EXOC7: variants seen among roughly 807,000 people sequenced by gnomAD.
EXOC7 encodes exocyst complex component 7.
A neutral mutation model predicts 87.6 loss-of-function variants in EXOC7; 51 were observed. The observed-to-expected ratio is 0.58, with a 90% confidence interval of 0.46 to 0.73. The LOEUF is 0.73. EXOC7 is among the 30% of genes least tolerant of loss of function. EXOC7 has a pLI of 0.00. For missense variants in EXOC7, 744 were observed against 888.4 expected (o/e 0.84, Z 2.07); for synonymous variants, 327 against 357.1 (o/e 0.92, Z 0.95).
Position 76,081,719 on chromosome 17 carries a change from G to A in EXOC7, c.*1929C>T, listed in dbSNP as rs2066986499. The stretch of plus-strand genomic sequence containing the variant: ...CGTCCTCCACTCCTCCCTGGTGCAG[G>A]CCCTGCCCAGCTCCTCCTCCTGCAA... On this transcript the variant is annotated 3_prime_UTR_variant, in exon 19 of 19. Transcript: ENST00000589210. The A allele has an allele frequency of 3.7e-6, 6 of 1,614,022 alleles. No individual in the cohort carries two copies. The highest frequency in any genetic ancestry group is 1.3e-5 in the African/African-American group (1 of 75,008).
At position 76,083,337 on chromosome 17, in the gene EXOC7, G is replaced by A. The variant is rs2067062799; in HGVS notation, c.*311C>T. 1 of 356,292 alleles carries A rather than the reference G, an allele frequency of 2.8e-6. No homozygotes were observed. The highest frequency in any genetic ancestry group is 2.8e-5 in the South Asian group (1 of 36,078). 22.1% of individuals were successfully genotyped at this position (356,292 alleles called of 1,614,324 possible). On this transcript the variant is annotated 3_prime_UTR_variant, in exon 19 of 19. Transcript: ENST00000589210. Reference sequence around the variant, plus strand: ...TGCCCTGCTGCTCTTGGTACACATGGAGCAGCAGTGGGCACAGGCCTCTGT... The same window carrying A: ...TGCCCTGCTGCTCTTGGTACACATGAAGCAGCAGTGGGCACAGGCCTCTGT...
chr17:76,103,410 G>T lies in EXOC7; in HGVS notation c.77C>A (p.Ser26Tyr). The T allele has an allele frequency of 3.1e-6, 5 of 1,606,950 alleles. No homozygotes were observed. Among genetic ancestry groups the T allele is most frequent in the Non-Finnish European group, 4.2e-6 (5 of 1,176,754 alleles). ...CTTCTCCAGGCTGTCTCGGATGAAG[G>T]ACAGAGTCTCCTCCTCCTGGGGGCA... ...DKLKQEEETL[S>Y]FIRDSLEKSD... Residue 26 changes from serine to tyrosine, a missense_variant, in exon 2 of 19, where the codon TCC becomes TAC. By Grantham distance (144) the Ser-to-Tyr change is moderately radical (BLOSUM62 -2). Coordinates refer to ENST00000589210, the MANE Select transcript of EXOC7 (RefSeq NM_001013839.4).
rs771623955 is a variant in EXOC7 at position 76,082,563 on chromosome 17, C to T, written c.*1085G>A. 1.4e-5 allele frequency: 23 copies of T among 1,613,666 alleles called. No individual in the cohort carries two copies. The Middle Eastern group carries it at 6.6e-4, about 46-fold the overall frequency. On this transcript the variant is annotated 3_prime_UTR_variant, in exon 19 of 19. Transcript: ENST00000589210. ...TGGTTGGGGTGCTGTGCACCCAATT[C>T]GTCTTTGCAGGAATCTGGATGTGGG...
chr17:76,084,238 C>G lies in EXOC7; in HGVS notation c.1818+10G>C. The stretch of plus-strand genomic sequence containing the variant: ...CAGCAAGCAGTGGAGGGGAGAGGAC[C>G]CCGACTCACCTTAAAACGCTCCTTG... On this transcript the variant is annotated intron_variant, in intron 17 of 18. Coordinates refer to ENST00000589210, the MANE Select transcript of EXOC7 (RefSeq NM_001013839.4). The G allele has an allele frequency of 6.2e-7, 1 of 1,611,384 alleles. No homozygotes were observed. The highest frequency in any genetic ancestry group is 1.7e-4 in the Middle Eastern group (1 of 6,058).
chr17:76,086,781 A>AGTCAGTCCCCAGGG, intron 12 of EXOC7: 1 of 1,359,150 alleles, frequency 7.4e-7, no homozygotes, highest in Non-Finnish European at 1.0e-6. Flanking sequence ...AGGTACTGAG[A>AGTCAGTCCCCAGGG]GTCAGTCCCC....
chr17:76,088,987 G>A lies in EXOC7; in HGVS notation c.1048-64C>T, dbSNP rs546271275. On this transcript the variant is annotated intron_variant, in intron 8 of 18. Transcript: ENST00000589210. ...GGTGGGAGCTAGTTCTGGGCTAGTGGGGGATCCTTGCAGTATGTAGGGGGG... is the reference window on the plus strand; with the variant it reads ...GGTGGGAGCTAGTTCTGGGCTAGTGAGGGATCCTTGCAGTATGTAGGGGGG... 2.0e-4 allele frequency: 314 copies of A among 1,558,060 alleles called. 2 individuals carry two copies. The African/African-American group carries it at 3.4e-3, about 17-fold the overall frequency.
chr17:76,100,614 C>T (rs2144701392), intron 4 of EXOC7, among the ~76,000 whole-genome samples: 1 of 146,774 alleles, frequency 6.8e-6, no homozygotes, highest in Non-Finnish European at 1.5e-5. Context: ...GCTTGGGAAA[C>T]AAGAGCAAAA....
At chr17:76,087,801 A>G in intron 11 of EXOC7, 81 bp from the exon 12 acceptor site, 3 of 1,436,012 alleles carry the variant, frequency 2.1e-6, no homozygotes, top group Non-Finnish European at 2.9e-6. Context: ...CTGAGTGCCC[A>G]GGGCCAGCCC....
Position 76,097,946 on chromosome 17 carries a change from C to T in EXOC7, c.490G>A (p.Val164Ile), listed in dbSNP as rs1598340669. 6.2e-7 allele frequency: 1 copy of T among 1,614,060 alleles called. No individual in the cohort carries two copies. Among genetic ancestry groups the T allele is most frequent in the East Asian group, 2.2e-5 (1 of 44,858 alleles). The change falls in exon 5 of 19, where the codon GTC becomes ATC. Residue 164 changes from valine to isoleucine, a missense_variant. This residue lies in a region of EXOC7 where 512 missense variants were observed against 573.0 expected (regional missense o/e 0.89). Transcript: ENST00000589210. The part of the protein sequence containing the change: ...FRSLMTRHSK[V>I]VSPVLILDLI... ...TCCAAGATGAGCACGGGCGAGACGA[C>T]CTTACTGTGCCGCGTCATCAGGCTG...
In EXOC7 at chr17:76,103,319, G is replaced by A. The variant is rs1412778912; in HGVS notation, c.126+42C>T. On this transcript the variant is annotated intron_variant, in intron 2 of 18. Coordinates refer to ENST00000589210, the MANE Select transcript of EXOC7 (RefSeq NM_001013839.4). ...CCAGGTCGCAAGGCTCTCCCCCAGG[G>A]TCCGGAGGCCTGCCCTCTCCCCCAG... The A allele has an allele frequency of 2.6e-6, 4 of 1,544,942 alleles. No homozygotes were observed. In the South Asian group the frequency reaches 3.5e-5, roughly 14 times the overall value.
intron 12 of EXOC7, 181 bp downstream of exon 12, chr17:76,087,473 G>C: frequency 3.2e-6 from 2 of 618,852 alleles, no homozygotes; most frequent in South Asian, 4.0e-5. Context: ...CCAGTGTCTG[G>C]TCTTGAAAGG....
Position 76,082,252 on chromosome 17 carries a change from G to T in EXOC7, c.*1396C>A. The T allele has an allele frequency of 1.3e-6, 1 of 775,820 alleles. No homozygotes were observed. Among genetic ancestry groups the T allele is most frequent in the Admixed American group, 3.0e-5 (1 of 33,094 alleles). 48.1% of individuals were successfully genotyped at this position (775,820 alleles called of 1,614,324 possible). A position where few individuals can be genotyped will look rare whatever the true frequency, so the allele number is the denominator to read the frequency against. On this transcript the variant is annotated 3_prime_UTR_variant, in exon 19 of 19. Coordinates refer to ENST00000589210, the MANE Select transcript of EXOC7 (RefSeq NM_001013839.4). The stretch of plus-strand genomic sequence containing the variant: ...GCTGAGCCTCCCTGAAGTCCCAGGT[G>T]ACCTCAATCCCCTGATAACCCATGC...
At position 76,090,437 on chromosome 17, in the gene EXOC7, T is replaced by A. The variant is rs569131422; in HGVS notation, c.901+706A>T. The A allele has an allele frequency of 7.7e-6, 12 of 1,551,498 alleles. No individual in the cohort carries two copies. In the South Asian group the frequency reaches 1.4e-4, roughly 18 times the overall value. On this transcript the variant is annotated intron_variant, in intron 7 of 18. Transcript: ENST00000589210. ...GCCGCACAAACACAAGCAGCGTTTA[T>A]CCAGGGGCCAGGCAGGCCGCCCCTT...
intron 16 of EXOC7, 68 bp downstream of exon 16, chr17:76,084,449 T>C (rs2067119143): frequency 6.3e-7 from 1 of 1,587,472 alleles, no homozygotes; most frequent in Non-Finnish European, 8.6e-7. Context: ...GTCCACTTTT[T>C]CCCAGAGACA....
chr17:76,091,037 C>T, intron 7 of EXOC7, 106 bp downstream of exon 7: 3 of 946,282 alleles, frequency 3.2e-6, no homozygotes, highest in Non-Finnish European at 5.1e-6. Context: ...CACCCTGCTC[C>T]CCTCAGGGTT....
rs1475075963 is a variant in EXOC7 at position 76,082,077 on chromosome 17, G to A, written c.*1571C>T. 6.4e-7 allele frequency: 1 copy of A among 1,574,376 alleles called. No individual in the cohort carries two copies. The highest frequency in any genetic ancestry group is 8.6e-7 in the Non-Finnish European group (1 of 1,162,342). ...GGGCAGGGGCTGGGGGGTAAGGAATGAGGCCTAGGTGCACACCTAGGGCTG... is the reference window on the plus strand; with the variant it reads ...GGGCAGGGGCTGGGGGGTAAGGAATAAGGCCTAGGTGCACACCTAGGGCTG... On this transcript the variant is annotated 3_prime_UTR_variant, in exon 19 of 19. Transcript: ENST00000589210.
At chr17:76,085,894 G>A (rs1296645317) in intron 13 of EXOC7, 97 bp from the exon 14 acceptor site, 50 of 1,540,412 alleles carry the variant, frequency 3.2e-5, no homozygotes, top group Admixed American at 3.0e-4. Context: ...ATCGCTCCTC[G>A]TCCTGCCTCA....
rs1474220867 is a variant in EXOC7 at position 76,082,760 on chromosome 17, G to C, written c.*888C>G. ...TTAAGCCACCCTGAGCTCTCCCTCC[G>C]CTAGCACACAAGCACAGAGCGTGAA... On this transcript the variant is annotated 3_prime_UTR_variant, in exon 19 of 19. Transcript: ENST00000589210. 9.1e-7 allele frequency: 1 copy of C among 1,097,696 alleles called. No homozygotes were observed. The highest frequency in any genetic ancestry group is 1.7e-5 in the South Asian group (1 of 57,662). The allele number at this position is 1,097,696 out of a possible 1,614,324, so 68.0% of individuals were successfully genotyped here. A position where few individuals can be genotyped will look rare whatever the true frequency, so the allele number is the denominator to read the frequency against.
chr17:76,103,407 A>G lies in EXOC7; in HGVS notation c.80T>C (p.Phe27Ser). The change falls in exon 2 of 19, where the codon TTC becomes TCC. Residue 27 changes from phenylalanine (F) to serine (S), a missense_variant. Around this residue, in one of 3 missense-constraint regions of EXOC7, gnomAD observed 512 missense variants for 573.0 expected, o/e 0.89. Transcript: ENST00000589210. Reference sequence around the variant, plus strand: ...GCTCTTCTCCAGGCTGTCTCGGATGAAGGACAGAGTCTCCTCCTCCTGGGG... The same window carrying G: ...GCTCTTCTCCAGGCTGTCTCGGATGGAGGACAGAGTCTCCTCCTCCTGGGG... ...KLKQEEETLS[F>S]IRDSLEKSDQ... The G allele has an allele frequency of 6.2e-7, 1 of 1,607,716 alleles. No individual in the cohort carries two copies. Among genetic ancestry groups the G allele is most frequent in the Admixed American group, 1.7e-5 (1 of 59,144 alleles).
Sources: allele counts gnomAD v4.1 joint callset (sites outside exome capture counted in the v4.1 genomes callset), GRCh38; gene constraint gnomAD v4.1.1; regional missense constraint gnomAD v4.1.1; transcripts MANE v1.5; gene names NCBI Gene and HGNC (gene_info 2026-07-23, HGNC 2026-07-21).